Variants in USP27X observed in about 807,000 individuals in gnomAD.
USP27X encodes ubiquitin carboxyl-terminal hydrolase 27.
For synonymous variants in USP27X, 109 were observed against 141.5 expected (o/e 0.77, Z 1.63); for missense variants, 161 against 341.0 (o/e 0.47, Z 4.16).
At position 49,880,292 on chromosome X, in the gene USP27X, A is replaced by C; in HGVS notation, c.-16A>C. Reference sequence around the variant, plus strand: ...ACTTAGCAGTAGACCTGTATTACGGAGGTATATACTGCTTTATGTGTAAGG... The same window carrying C: ...ACTTAGCAGTAGACCTGTATTACGGCGGTATATACTGCTTTATGTGTAAGG... On this transcript the variant is annotated 5_prime_UTR_variant, in exon 1 of 1. Coordinates refer to ENST00000621775, the MANE Select transcript of USP27X (RefSeq NM_001145073.3). 9.1e-7 allele frequency: 1 copy of C among 1,095,860 alleles called. No homozygotes were observed. The highest frequency in any genetic ancestry group is 2.2e-5 in the South Asian group (1 of 45,422). 90.3% of individuals were successfully genotyped at this position (1,095,860 alleles called of 1,213,427 possible).
chrX:49,880,223 C>A lies in USP27X; in HGVS notation c.-85C>A. ...TTTCCTGTGTCTTCTTTGGCTGCTT[C>A]ACGGAGAAACACATTCACGAGCACG... On this transcript the variant is annotated 5_prime_UTR_variant, in exon 1 of 1. Coordinates refer to ENST00000621775, the MANE Select transcript of USP27X (RefSeq NM_001145073.3). The A allele has an allele frequency of 1.2e-6, 1 of 850,718 alleles. No homozygotes were observed. Among genetic ancestry groups the A allele is most frequent in the Non-Finnish European group, 1.6e-6 (1 of 614,569 alleles). 70.1% of individuals were successfully genotyped at this position (850,718 alleles called of 1,213,427 possible).
Position 49,880,661 on chromosome X carries a change from C to T in USP27X, c.354C>T (p.Pro118=), listed in dbSNP as rs781828784. ...GGCACCGATGTGAGATGCCGAGTCC[C>T]GAGTTGTGTCTGGTCTGTGAGATGT... is the stretch of plus-strand genomic sequence containing the variant. The part of the protein sequence containing the change: ...SDRHRCEMPS[P]ELCLVCEMSS... Residue 118 remains proline (P), a synonymous_variant, in exon 1 of 1, where the codon CCC becomes CCT. Coordinates refer to ENST00000621775, the MANE Select transcript of USP27X (RefSeq NM_001145073.3). 60 of 1,166,799 alleles carry T rather than the reference C, an allele frequency of 5.1e-5. No homozygotes were observed. Among genetic ancestry groups the T allele is most frequent in the African/African-American group, 2.2e-4 (12 of 55,760 alleles).
In USP27X at chrX:49,881,641, A is replaced by G. The variant is rs1557162796; in HGVS notation, c.*17A>G. ...GCCTACTGAAGTGACACACAGACCT[A>G]CCTGCAATGGAAGATGACGACACCA... On this transcript the variant is annotated 3_prime_UTR_variant, in exon 1 of 1. Coordinates refer to ENST00000621775, the MANE Select transcript of USP27X (RefSeq NM_001145073.3). 9.0e-7 allele frequency: 1 copy of G among 1,107,851 alleles called. No homozygotes were observed. Among genetic ancestry groups the G allele is most frequent in the African/African-American group, 1.8e-5 (1 of 54,283 alleles). The allele number at this position is 1,107,851 out of a possible 1,213,427, so 91.3% of individuals were successfully genotyped here. A position where few individuals can be genotyped will look rare whatever the true frequency, so the allele number is the denominator to read the frequency against.
At position 49,880,870 on chromosome X, in the gene USP27X, C is replaced by G; in HGVS notation, c.563C>G (p.Ala188Gly). ...RHCKGDDVGK[A>G]ANNPNHCNCI... Reference sequence around the variant, plus strand: ...TGCAAAGGTGATGATGTCGGGAAGGCGGCCAACAATCCCAACCACTGTAAC... The same window carrying G: ...TGCAAAGGTGATGATGTCGGGAAGGGGGCCAACAATCCCAACCACTGTAAC... The change falls in exon 1 of 1, where the codon GCG becomes GGG. Residue 188 changes from alanine (A) to glycine (G), a missense_variant. By Grantham distance (60) the Ala-to-Gly change is moderately conservative. Coordinates refer to ENST00000621775, the MANE Select transcript of USP27X (RefSeq NM_001145073.3). 1 of 1,209,015 alleles carries G rather than the reference C, an allele frequency of 8.3e-7. No individual in the cohort carries two copies. Among genetic ancestry groups the G allele is most frequent in the Non-Finnish European group, 1.1e-6 (1 of 894,133 alleles).
rs1294560799 is a variant in USP27X at position 49,879,631 on chromosome X, A to G, written c.-677A>G. On this transcript the variant is annotated 5_prime_UTR_variant, in exon 1 of 1. Coordinates refer to ENST00000621775, the MANE Select transcript of USP27X (RefSeq NM_001145073.3). The stretch of plus-strand genomic sequence containing the variant: ...GCGGCGGGGAAGGTGGACGCCACCG[A>G]GAAGGTGGAGACGGCGGGGAAGGTG... Among the ~76,000 whole-genome samples the G allele has an allele frequency of 9.4e-6, 1 of 106,620 alleles. No homozygotes were observed. The highest frequency in any genetic ancestry group is 1.1e-4 in the Admixed American group (1 of 8,892). The allele number at this position is 106,620 out of a possible 115,157, so 92.6% of individuals were successfully genotyped here.
In USP27X at chrX:49,880,984, G is replaced by A. The variant is rs1557162640; in HGVS notation, c.677G>A (p.Cys226Tyr). ...CHGVSTTIDP[C>Y]WDISLDLPGS... The stretch of plus-strand genomic sequence containing the variant: ...GGCGTCTCCACCACGATAGACCCAT[G>A]CTGGGACATTAGTTTGGACTTGCCT... The change falls in exon 1 of 1, where the codon TGC (cysteine) becomes TAC (tyrosine). Residue 226 changes from cysteine (C) to tyrosine (Y), a missense_variant. Cys to Tyr is a radical substitution (Grantham distance 194). Coordinates refer to ENST00000621775, the MANE Select transcript of USP27X (RefSeq NM_001145073.3). 8.3e-7 allele frequency: 1 copy of A among 1,204,662 alleles called. No homozygotes were observed. The highest frequency in any genetic ancestry group is 1.8e-5 in the South Asian group (1 of 55,606).
chrX:49,880,624 T>G lies in USP27X; in HGVS notation c.317T>G (p.Phe106Cys). ...CACACGCCGATACTGAGAGATTTCT[T>G]TCTCTCTGACAGGCACCGATGTGAG... The part of the protein sequence containing the change: ...LTHTPILRDF[F>C]LSDRHRCEMP... The change falls in exon 1 of 1, where the codon TTT (phenylalanine) becomes TGT (cysteine). Residue 106 changes from phenylalanine (F) to cysteine (C), a missense_variant. Physicochemically the swap from Phe to Cys is radical, Grantham distance 205. Transcript: ENST00000621775. 1 of 1,168,542 alleles carries G rather than the reference T, an allele frequency of 8.6e-7. No homozygotes were observed. Among genetic ancestry groups the G allele is most frequent in the Non-Finnish European group, 1.1e-6 (1 of 873,277 alleles).
Position 49,880,475 on chromosome X carries a change from A to T in USP27X, c.168A>T (p.Glu56Asp). 8.6e-7 allele frequency: 1 copy of T among 1,167,871 alleles called. No homozygotes were observed. The highest frequency in any genetic ancestry group is 1.8e-5 in the African/African-American group (1 of 56,306). ...KFPTWETTKP[E>D]LELLGHNPRR... ...CAACCTGGGAAACAACCAAACCAGA[A>T]TTAGAACTGCTGGGGCACAACCCGA... Residue 56 changes from glutamate (E) to aspartate (D), a missense_variant, in exon 1 of 1, where the codon GAA (glutamate) becomes GAT (aspartate). Transcript: ENST00000621775.
rs1326023366 is a variant in USP27X at position 49,879,699 on chromosome X, C to T, written c.-609C>T. 2.7e-5 allele frequency among the ~76,000 whole-genome samples: 3 copies of T among 110,336 alleles called. No homozygotes were observed. Among genetic ancestry groups the T allele is most frequent in the Non-Finnish European group, 5.7e-5 (3 of 52,365 alleles). On this transcript the variant is annotated 5_prime_UTR_variant, in exon 1 of 1. Coordinates refer to ENST00000621775, the MANE Select transcript of USP27X (RefSeq NM_001145073.3). ...GGAGACGGCGGAGGGTCCGGGCCGC[C>T]GGGCTGAGCTCAAGCTGGAGCCCGA...
chrX:49,882,255 G>A lies in USP27X; in HGVS notation c.*631G>A, dbSNP rs1321921142. On this transcript the variant is annotated 3_prime_UTR_variant, in exon 1 of 1. Transcript: ENST00000621775. ...TAAGGGGGCTTGTAAAAGGGGAGCC[G>A]TCGCTCCAAAAGTAGAGAAGACAAG... 3 of 117,199 alleles carry A rather than the reference G, an allele frequency of 2.6e-5. No homozygotes were observed. Among genetic ancestry groups the A allele is most frequent in the Non-Finnish European group, 3.8e-5 (2 of 51,969 alleles). 9.7% of individuals were successfully genotyped at this position (117,199 alleles called of 1,213,427 possible).
Position 49,880,930 on chromosome X carries a change from A to T in USP27X, c.623A>T (p.Gln208Leu). 1 of 1,209,711 alleles carries T rather than the reference A, an allele frequency of 8.3e-7. No homozygotes were observed. The highest frequency in any genetic ancestry group is 1.1e-6 in the Non-Finnish European group (1 of 894,411). ...GACCAAATCTTCACAGGTGGCCTGC[A>T]GTCTGATGTCACCTGTCAAGCCTGC... ...IIDQIFTGGL[Q>L]SDVTCQACHG... Residue 208 changes from glutamine to leucine, a missense_variant, in exon 1 of 1, where the codon CAG becomes CTG. Gln to Leu is a moderately radical substitution (Grantham distance 113, BLOSUM62 -2). Transcript: ENST00000621775.
chrX:49,881,440 G>C lies in USP27X; in HGVS notation c.1133G>C (p.Ser378Thr), dbSNP rs782366000. The C allele has an allele frequency of 8.3e-7, 1 of 1,209,736 alleles. No individual in the cohort carries two copies. Among genetic ancestry groups the C allele is most frequent in the Non-Finnish European group, 1.1e-6 (1 of 895,179 alleles). The change falls in exon 1 of 1, where the codon AGT becomes ACT. Residue 378 changes from serine to threonine, a missense_variant. Physicochemically the swap from Ser to Thr is moderately conservative, Grantham distance 58. Coordinates refer to ENST00000621775, the MANE Select transcript of USP27X (RefSeq NM_001145073.3). ...AVVNHQGTLESGHYTSFIRHH... is the reference protein window; with the variant it reads ...AVVNHQGTLETGHYTSFIRHH... ...GTTAATCACCAAGGAACCTTGGAGA[G>C]TGGCCACTATACCAGCTTCATCCGG...
In USP27X at chrX:49,882,007, C is replaced by T. The variant is rs1238398966; in HGVS notation, c.*383C>T. The T allele has an allele frequency of 6.5e-6, 1 of 153,336 alleles. No individual in the cohort carries two copies. The highest frequency in any genetic ancestry group is 3.2e-5 in the African/African-American group (1 of 30,874). 12.6% of individuals were successfully genotyped at this position (153,336 alleles called of 1,213,427 possible). ...TCTTTCTCCATGGGTGTTTCAGCTTCAATTGACCAATCACATAACAGTTAT... is the reference window on the plus strand; with the variant it reads ...TCTTTCTCCATGGGTGTTTCAGCTTTAATTGACCAATCACATAACAGTTAT... On this transcript the variant is annotated 3_prime_UTR_variant, in exon 1 of 1. Transcript: ENST00000621775.
Position 49,879,949 on chromosome X carries a change from C to T in USP27X, c.-359C>T, listed in dbSNP as rs1557162458. ...CTCCGTACCCCGCCGCAGCCTAGGC[C>T]CCGGCCCCCGCCCCGGCCCCGGCCC... On this transcript the variant is annotated 5_prime_UTR_variant, in exon 1 of 1. Transcript: ENST00000621775. 8.7e-6 allele frequency: 1 copy of T among 114,824 alleles called. No homozygotes were observed. The highest frequency in any genetic ancestry group is 2.7e-4 in the East Asian group (1 of 3,639). 9.5% of individuals were successfully genotyped at this position (114,824 alleles called of 1,213,427 possible).
At position 49,881,597 on chromosome X, in the gene USP27X, G is replaced by C; in HGVS notation, c.1290G>C (p.Val430=). Residue 430 remains valine, a synonymous_variant, in exon 1 of 1, where the codon GTG becomes GTC. Coordinates refer to ENST00000621775, the MANE Select transcript of USP27X (RefSeq NM_001145073.3). ...TGCTAGAACATGAGTCAGAAAAAGT[G>C]AAAGAAATGAACACACAAGCCTACT... ...KQVLEHESEK[V]KEMNTQAY is the part of the protein sequence containing the mutation. The C allele has an allele frequency of 8.6e-7, 1 of 1,166,505 alleles. No homozygotes were observed. The highest frequency in any genetic ancestry group is 1.1e-6 in the Non-Finnish European group (1 of 871,617).
In USP27X at chrX:49,881,519, T is replaced by C. The variant is rs1557162764; in HGVS notation, c.1212T>C (p.Ser404=). The change falls in exon 1 of 1, where the codon AGT becomes AGC. Residue 404 remains serine, a synonymous_variant. Coordinates refer to ENST00000621775, the MANE Select transcript of USP27X (RefSeq NM_001145073.3). ...KCDDAVITKA[S]IKDVLDSEGY... ...ATGATGCCGTCATCACTAAGGCCAG[T>C]ATTAAGGACGTACTGGACAGTGAAG... 1.7e-6 allele frequency: 2 copies of C among 1,208,444 alleles called. No homozygotes were observed. The highest frequency in any genetic ancestry group is 1.8e-5 in the South Asian group (1 of 56,289).
In USP27X at chrX:49,881,631, A is replaced by T; in HGVS notation, c.*7A>T. On this transcript the variant is annotated 3_prime_UTR_variant, in exon 1 of 1. Transcript: ENST00000621775. ...GAACACACAAGCCTACTGAAGTGACACACAGACCTACCTGCAATGGAAGAT... is the reference window on the plus strand; with the variant it reads ...GAACACACAAGCCTACTGAAGTGACTCACAGACCTACCTGCAATGGAAGAT... 3 of 1,125,679 alleles carry T rather than the reference A, an allele frequency of 2.7e-6. No homozygotes were observed. The highest frequency in any genetic ancestry group is 2.4e-6 in the Non-Finnish European group (2 of 843,435). 92.8% of individuals were successfully genotyped at this position (1,125,679 alleles called of 1,213,427 possible).
In USP27X at chrX:49,881,528, C is replaced by T. The variant is rs782776574; in HGVS notation, c.1221C>T (p.Asp407=). The T allele has an allele frequency of 1.3e-5, 16 of 1,206,439 alleles. No individual in the cohort carries two copies. The highest frequency in any genetic ancestry group is 2.2e-5 in the Admixed American group (1 of 45,511). The change falls in exon 1 of 1, where the codon GAC becomes GAT. Residue 407 remains aspartate, a synonymous_variant. Transcript: ENST00000621775. ...TCATCACTAAGGCCAGTATTAAGGA[C>T]GTACTGGACAGTGAAGGGTATTTAC... ...DAVITKASIK[D]VLDSEGYLLF...
rs2147225227 is a variant in USP27X, at chrX:49,881,884, A to T, written c.*260A>T. The T allele has an allele frequency of 6.5e-6, 1 of 153,147 alleles. No individual in the cohort carries two copies. Among genetic ancestry groups the T allele is most frequent in the South Asian group, 1.9e-4 (1 of 5,270 alleles). 12.6% of individuals were successfully genotyped at this position (153,147 alleles called of 1,213,427 possible). ...AAGGCAGGAGCAGGAAAATGCTGAC[A>T]CTGGTACATATCCTATATTCCTCCA... On this transcript the variant is annotated 3_prime_UTR_variant, in exon 1 of 1. Transcript: ENST00000621775.
Sources: gnomAD v4.1 joint callset for allele counts (sites outside exome capture counted in the v4.1 genomes callset) on GRCh38, gnomAD v4.1.1 for gene constraint, MANE v1.5 for transcripts, NCBI Gene and HGNC (gene_info 2026-07-23, HGNC 2026-07-21) for gene names.